MYO18B: variants seen among roughly 807,000 people sequenced by gnomAD.
MYO18B encodes myosin XVIIIB, also known as unconventional myosin-XVIIIb.
Under a neutral mutation model 273.0 loss-of-function variants are expected in MYO18B, and 204 were observed. That is an observed-to-expected ratio of 0.75 (90% confidence interval 0.67 to 0.84). MYO18B has a LOEUF of 0.84. Ranked by LOEUF, MYO18B falls within the 40% of genes least tolerant of loss-of-function variation. MYO18B has a pLI of 0.00. For missense variants in MYO18B, 3,212 were observed against 3,287.6 expected (o/e 0.98, Z 0.56); for synonymous variants, 1,330 against 1,305.7 (o/e 1.02, Z -0.40).
chr22:25,832,685 G>T lies in MYO18B; in HGVS notation c.2980-232G>T, dbSNP rs917960338. 1.4e-4 allele frequency among the ~76,000 whole-genome samples: 21 copies of T among 152,192 alleles called. 1 individual carries two copies. ...ATGAAGAAAGTTCTGGAGATGGTTG[G>T]TGGTGATGGGTGCACAACAACATGA... On this transcript the variant is annotated intron_variant, in intron 15 of 43. Transcript: ENST00000335473.
rs755002043 is a variant in MYO18B, at chr22:25,910,980, A to G, written c.5294A>G (p.Tyr1765Cys). The change falls in exon 33 of 44, where the codon TAT (tyrosine) becomes TGT (cysteine). Residue 1765 changes from tyrosine (Y) to cysteine (C), a missense_variant. Coordinates refer to ENST00000335473, the MANE Select transcript of MYO18B (RefSeq NM_032608.7). ...CTGGAAATGCAGCTGGAGCAAGAGT[A>G]TGAAGAGAAGCAGATGGTCCTCCAT... ...HQLEMQLEQE[Y>C]EEKQMVLHEK... The G allele has an allele frequency of 3.7e-6, 6 of 1,603,268 alleles. No homozygotes were observed. Among genetic ancestry groups the G allele is most frequent in the South Asian group, 2.3e-5 (2 of 88,116 alleles).
In MYO18B at chr22:25,822,040, T is replaced by C. The variant is rs375668974; in HGVS notation, c.2522-1465T>C. On this transcript the variant is annotated intron_variant, in intron 12 of 43. Coordinates refer to ENST00000335473, the MANE Select transcript of MYO18B (RefSeq NM_032608.7). ...TCAGGTGTAAGCATTGTCCATGGTA[T>C]GCACAGTCTTCACTGCTAATTTTAA... 1.5e-3 allele frequency among the ~76,000 whole-genome samples: 227 copies of C among 152,342 alleles called. 10 individuals carry two copies. In the South Asian group the frequency reaches 0.045, roughly 30 times the overall value.
chr22:26,036,731 T>C, the MYO18B span, among the ~76,000 whole-genome samples: 1 of 152,194 alleles, frequency 6.6e-6, no homozygotes, highest in Admixed American at 6.5e-5. Context: ...CTTCCCTTGA[T>C]CCTCAGCTTA....
At chr22:25,910,470 C>T (rs1329488117) in intron 32 of MYO18B, among the ~76,000 whole-genome samples, 4 of 152,180 alleles carry the variant, frequency 2.6e-5, no homozygotes, top group Admixed American at 6.5e-5. Flanking sequence ...GTTAGGGTTT[C>T]ACCATATGAA....
rs750450274 is a variant in MYO18B, at chr22:25,763,251, C to T, written c.60C>T (p.Ser20=). 4 of 1,610,534 alleles carry T rather than the reference C, an allele frequency of 2.5e-6. No homozygotes were observed. The highest frequency in any genetic ancestry group is 3.4e-6 in the Non-Finnish European group (4 of 1,177,878). Residue 20 remains serine (S), a synonymous_variant, in exon 3 of 44, where the codon AGC becomes AGT. Transcript: ENST00000335473. ...AACAGATTCGGGAAGAGGACAAGAG[C>T]CCTCCACCATCCTCGCCCCCTCCTC... The part of the protein sequence containing the change: ...WEQKIREEDK[S]PPPSSPPPLF...
In MYO18B at chr22:25,763,356, G is replaced by A. The variant is rs756393009; in HGVS notation, c.165G>A (p.Arg55=). Residue 55 remains arginine, a synonymous_variant, in exon 3 of 44, where the codon AGG becomes AGA. Coordinates refer to ENST00000335473, the MANE Select transcript of MYO18B (RefSeq NM_032608.7). ...TEKEAKEARQ[R]KQLAVASPER... is the part of the protein sequence containing the mutation. ...AAGAGGCCAAGGAAGCGAGACAGAG[G>A]AAGCAGTTAGCTGTCGCCTCTCCAG... 1 of 1,612,372 alleles carries A rather than the reference G, an allele frequency of 6.2e-7. No homozygotes were observed. Among genetic ancestry groups the A allele is most frequent in the East Asian group, 2.2e-5 (1 of 44,872 alleles).
intron 20 of MYO18B, 75 bp from the exon 21 acceptor site, chr22:25,851,380 CCTGCACTCCTGTCTA>C: frequency 1.2e-6 from 1 of 829,998 alleles, no homozygotes; most frequent in Non-Finnish European, 2.0e-6. Context: ...GAAGCAGGAC[CCTGCACTCCTGTCTA>C]GGGGTTTAGG....
intron 11 of MYO18B, among the ~76,000 whole-genome samples, chr22:25,789,067 CTCCTCCTCCTTCTTCT>C (rs1390747086): frequency 2.9e-3 from 12 of 4,192 alleles, no homozygotes; most frequent in Admixed American, 0.012. Context: ...CTTTCTCCTC[CTCCTCCTCCTTCTTCT>C]TCCTCCTCCT....
At chr22:26,004,998 C>A in intron 42 of MYO18B, 143 bp downstream of exon 42, 1 of 1,038,558 alleles carries the variant, frequency 9.6e-7, no homozygotes, top group Non-Finnish European at 1.4e-6. Flanking sequence ...AACTCTGCCA[C>A]TTCCTAGCTG....
At position 26,026,977 on chromosome 22, in the gene MYO18B, G is replaced by A. The variant is rs773561142; in HGVS notation, c.7003G>A (p.Gly2335Arg). The change falls in exon 43 of 44, where the codon GGG (glycine) becomes AGG (arginine). Residue 2335 changes from glycine to arginine, a missense_variant. Gly to Arg is a moderately radical substitution (Grantham distance 125). Transcript: ENST00000335473. ...CAAATGCATCTCTTCAGACGGTGTT[G>A]GGGGCACAACCCTACTCCCCGAAAA... ...SLKCISSDGV[G>R]GTTLLPEKSK... 1 of 1,613,878 alleles carries A rather than the reference G, an allele frequency of 6.2e-7. No homozygotes were observed. Among genetic ancestry groups the A allele is most frequent in the Non-Finnish European group, 8.5e-7 (1 of 1,179,882 alleles).
At chr22:26,052,526 A>G in the MYO18B span, among the ~76,000 whole-genome samples, 2 of 152,150 alleles carry the variant, frequency 1.3e-5, no homozygotes, top group Non-Finnish European at 2.9e-5. Flanking sequence ...CAGCATTCCC[A>G]TCATCCCCAC....
At chr22:25,923,442 C>T (rs937017482) in intron 34 of MYO18B, among the ~76,000 whole-genome samples, 1 of 152,176 alleles carries the variant, frequency 6.6e-6, no homozygotes. Context: ...CCTCATGATA[C>T]CCCTAGGGGA....
chr22:25,807,012 A>G (rs1276044097), intron 12 of MYO18B, among the ~76,000 whole-genome samples: 3 of 152,054 alleles, frequency 2.0e-5, no homozygotes, highest in Non-Finnish European at 4.4e-5. Flanking sequence ...GTAAGCAGTA[A>G]CTCTCTTTTC....
intron 28 of MYO18B, chr22:25,898,101 C>T: frequency 1.8e-6 from 1 of 544,436 alleles, no homozygotes. Context: ...GGAATTATCC[C>T]CACTTTACCT....
intron 42 of MYO18B, among the ~76,000 whole-genome samples, chr22:26,009,720 A>G (rs760143388): frequency 7.2e-5 from 11 of 151,964 alleles, no homozygotes; most frequent in Non-Finnish European, 1.3e-4. Flanking sequence ...GTTCTCCTCA[A>G]ACTTCTCTTC....
chr22:25,934,284 GA>G (rs2092548850), intron 34 of MYO18B, among the ~76,000 whole-genome samples: 1 of 152,002 alleles, frequency 6.6e-6, no homozygotes, highest in African/African-American at 2.4e-5. Context: ...GTCTTTTTAT[GA>G]AGAGAAATTC....
At chr22:25,827,084 T>C (rs1391629319) in intron 14 of MYO18B, among the ~76,000 whole-genome samples, 2 of 152,026 alleles carry the variant, frequency 1.3e-5, no homozygotes, top group African/African-American at 4.8e-5. Context: ...TGAAACAAAT[T>C]CTTCCTAACA....
chr22:26,057,501 A>T, the MYO18B span, among the ~76,000 whole-genome samples: 1 of 150,996 alleles, frequency 6.6e-6, no homozygotes, highest in Non-Finnish European at 1.5e-5. Context: ...TTCAAAACTC[A>T]GATTTATCTG....
At position 25,805,657 on chromosome 22, in the gene MYO18B, A is replaced by G. The variant is rs991939024; in HGVS notation, c.2521+7560A>G. Among the ~76,000 whole-genome samples, 11 of 152,266 alleles carry G rather than the reference A, an allele frequency of 7.2e-5. No individual in the cohort carries two copies. In the South Asian group the frequency reaches 2.1e-3, roughly 29 times the overall value. Reference sequence around the variant, plus strand: ...ACGTTTGGTTGGGTTACTTCAGTAGAGCTACCGATGACCCTGTATGAGGGC... The same window carrying G: ...ACGTTTGGTTGGGTTACTTCAGTAGGGCTACCGATGACCCTGTATGAGGGC... On this transcript the variant is annotated intron_variant, in intron 12 of 43. Coordinates refer to ENST00000335473, the MANE Select transcript of MYO18B (RefSeq NM_032608.7).
Sources: gnomAD v4.1 joint callset for allele counts (sites outside exome capture counted in the v4.1 genomes callset) on GRCh38, gnomAD v4.1.1 for gene constraint, MANE v1.5 for transcripts, NCBI Gene and HGNC (gene_info 2026-07-23, HGNC 2026-07-21) for gene names.